The following CNTNAP5 variants were observed in gnomAD, a reference collection of about 807,000 sequenced individuals.
The protein encoded by CNTNAP5 is contactin associated protein family member 5, also known as contactin-associated protein-like 5.
A neutral mutation model predicts 150.2 loss-of-function variants in CNTNAP5; 72 were observed. The ratio of observed to expected loss-of-function variants is 0.48; its 90% confidence interval spans 0.40 to 0.58. The LOEUF is 0.58. Ranked by LOEUF, CNTNAP5 falls within the 20% of genes least tolerant of loss-of-function variation. The probability of loss-of-function intolerance (pLI) is 0.00; values close to 1 mark genes in which losing one functional copy is unlikely to be tolerated. For synonymous variants in CNTNAP5, 672 were observed against 619.8 expected, an observed-to-expected ratio of 1.08 and a Z score of -1.25; for missense variants, 1,636 against 1,626.2, an observed-to-expected ratio of 1.01 and a Z score of -0.10.
chr2:124,733,223 A>G (rs377370779), intron 13 of CNTNAP5, among the ~76,000 whole-genome samples: 24 of 152,262 alleles, frequency 1.6e-4, no homozygotes, highest in African/African-American at 5.3e-4. Flanking sequence ...GGAAAATGGA[A>G]TATTATACAT....
chr2:124,103,183 T>G (rs1406069261), intron 1 of CNTNAP5, among the ~76,000 whole-genome samples: 1 of 152,136 alleles, frequency 6.6e-6, no homozygotes, highest in Non-Finnish European at 1.5e-5. Context: ...TCTTACAAAA[T>G]AAGAATTATA....
intron 6 of CNTNAP5, among the ~76,000 whole-genome samples, chr2:124,471,216 T>C (rs546802425): frequency 1.3e-5 from 2 of 152,288 alleles, no homozygotes; most frequent in South Asian, 2.1e-4. Flanking sequence ...TGGAATGTTT[T>C]TCCATTTGTG....
Position 124,461,462 on chromosome 2 carries a change from G to A in CNTNAP5, c.919-13277G>A, listed in dbSNP as rs538288586. Reference sequence around the variant, plus strand: ...AAACACTGCATATTCTCACTCATAGGTGGGAATTGAACAATGAGAACACAC... The same window carrying A: ...AAACACTGCATATTCTCACTCATAGATGGGAATTGAACAATGAGAACACAC... On this transcript the variant is annotated intron_variant, in intron 6 of 23. Coordinates refer to ENST00000682447, the MANE Select transcript of CNTNAP5 (RefSeq NM_001367498.1). Among the ~76,000 whole-genome samples the A allele has an allele frequency of 1.7e-3, 248 of 146,186 alleles. 1 individual carries two copies. Among genetic ancestry groups the A allele is most frequent in the Non-Finnish European group, 3.1e-3 (208 of 67,230 alleles).
At chr2:124,573,471 G>T (rs1573468543) in intron 11 of CNTNAP5, among the ~76,000 whole-genome samples, 1 of 152,148 alleles carries the variant, frequency 6.6e-6, no homozygotes, top group African/African-American at 2.4e-5. Context: ...GTAATCACAA[G>T]TTTTAGCTTT....
chr2:124,482,500 T>C (rs1467113950), intron 7 of CNTNAP5, among the ~76,000 whole-genome samples: 1 of 152,142 alleles, frequency 6.6e-6, no homozygotes, highest in East Asian at 1.9e-4. Flanking sequence ...ATGACTTTCA[T>C]GTCAAAGTGA....
intron 1 of CNTNAP5, among the ~76,000 whole-genome samples, chr2:124,188,963 C>T (rs1386621170): frequency 6.6e-6 from 1 of 152,086 alleles, no homozygotes; most frequent in Admixed American, 6.6e-5. Context: ...TCCAAGACCG[C>T]ATATAATGGG....
In CNTNAP5 at chr2:124,193,864, CAG is replaced by C. The variant is rs1403623354; in HGVS notation, c.83-27837_83-27836del. On this transcript the variant is annotated intron_variant, in intron 1 of 23. Transcript: ENST00000682447. Reference sequence around the variant, plus strand: ...AAAGAGAGGGTGGAGAGGGAGGAGACAGAGACAGGAAGTACAAGAGGGGCTGC... The same window carrying C: ...AAAGAGAGGGTGGAGAGGGAGGAGACAGACAGGAAGTACAAGAGGGGCTGC... Among the ~76,000 whole-genome samples the C allele has an allele frequency of 2.0e-5, 3 of 152,150 alleles. No homozygotes were observed. The East Asian group carries it at 5.8e-4, about 30-fold the overall frequency.
chr2:124,046,433 G>GAAAAAAAAAAAAA (rs55954535), intron 1 of CNTNAP5, among the ~76,000 whole-genome samples: 2 of 134,608 alleles, frequency 1.5e-5, no homozygotes, highest in African/African-American at 2.8e-5. Context: ...ACAAAAGAGA[G>GAAAAAAAAAAAAA]AAAAAAAAAA....
intron 21 of CNTNAP5, among the ~76,000 whole-genome samples, chr2:124,885,549 TCACACACACA>T (rs3980831): frequency 0.025 from 3,617 of 145,220 alleles, 166 homozygotes; most frequent in African/African-American, 0.085. Flanking sequence ...AACATTTTCA[TCACACACACA>T]CACACACACA....
intron 19 of CNTNAP5, among the ~76,000 whole-genome samples, chr2:124,816,842 T>G (rs1267180382): frequency 6.6e-6 from 1 of 152,174 alleles, no homozygotes; most frequent in African/African-American, 2.4e-5. Context: ...AGTCTTTTAA[T>G]GTAATTACAG....
At chr2:124,028,731 G>A (rs1038366882) in intron 1 of CNTNAP5, among the ~76,000 whole-genome samples, 1 of 152,114 alleles carries the variant, frequency 6.6e-6, no homozygotes, top group Admixed American at 6.5e-5. Context: ...GAAACTGGGA[G>A]TTAGAAGAGC....
intron 3 of CNTNAP5, among the ~76,000 whole-genome samples, chr2:124,246,449 T>C (rs1687030998): frequency 1.3e-5 from 2 of 152,116 alleles, no homozygotes; most frequent in Admixed American, 6.5e-5. Flanking sequence ...CCTGCAACAA[T>C]GTTCAGAATC....
chr2:124,370,223 G>A (rs1426996970), intron 3 of CNTNAP5, among the ~76,000 whole-genome samples: 1 of 152,160 alleles, frequency 6.6e-6, no homozygotes, highest in Non-Finnish European at 1.5e-5. Context: ...CGTGAACACT[G>A]TTTTGCAGAG....
chr2:124,879,169 A>T (rs1218194092), intron 21 of CNTNAP5, among the ~76,000 whole-genome samples: 1 of 151,878 alleles, frequency 6.6e-6, no homozygotes, highest in Non-Finnish European at 1.5e-5. Flanking sequence ...AGACATTACC[A>T]CTGTCCCTCT....
intron 10 of CNTNAP5, among the ~76,000 whole-genome samples, chr2:124,537,465 C>T (rs974141786): frequency 4.6e-5 from 7 of 152,136 alleles, no homozygotes; most frequent in Non-Finnish European, 8.8e-5. Flanking sequence ...CTGAGATAGA[C>T]GCAGAACGAG....
intron 17 of CNTNAP5, among the ~76,000 whole-genome samples, chr2:124,779,922 G>A (rs1217817304): frequency 6.6e-6 from 1 of 152,144 alleles, no homozygotes; most frequent in African/African-American, 2.4e-5. Flanking sequence ...CTTTCTAGGA[G>A]TTTCTTTGTG....
intron 4 of CNTNAP5, among the ~76,000 whole-genome samples, chr2:124,418,797 T>C (rs772361223): frequency 2.6e-5 from 4 of 152,160 alleles, no homozygotes; most frequent in Non-Finnish European, 5.9e-5. Context: ...GCTCCTCTTG[T>C]CACCTCCTGT....
chr2:124,248,233 G>A (rs1573865494), intron 3 of CNTNAP5, among the ~76,000 whole-genome samples: 1 of 152,246 alleles, frequency 6.6e-6, no homozygotes, highest in East Asian at 1.9e-4. Flanking sequence ...TCCCTACCCA[G>A]GGCAGGGATA....
chr2:124,671,372 T>C (rs1678820790), intron 13 of CNTNAP5, among the ~76,000 whole-genome samples: 1 of 152,172 alleles, frequency 6.6e-6, no homozygotes, highest in South Asian at 2.1e-4. Flanking sequence ...CTGAGCTGAG[T>C]GACATTATAG....
Sources: gnomAD v4.1 joint callset for allele counts (sites outside exome capture counted in the v4.1 genomes callset) on GRCh38, gnomAD v4.1.1 for gene constraint, MANE v1.5 for transcripts, NCBI Gene and HGNC (gene_info 2026-07-23, HGNC 2026-07-21) for gene names.